Variants in LY75 observed in about 807,000 individuals in gnomAD.
LY75 encodes lymphocyte antigen 75.
Under a neutral mutation model 231.7 loss-of-function variants are expected in LY75, and 185 were observed. The observed-to-expected ratio is 0.80, with a 90% CI of 0.71 to 0.90. LY75 has a LOEUF of 0.90. LY75 is among the 40% of genes least tolerant of loss of function. The pLI, the probability that LY75 is intolerant of heterozygous loss-of-function variation, is 0.00. For synonymous variants in LY75, 668 were observed against 689.0 expected, an observed-to-expected ratio of 0.97 and a Z score of 0.48; for missense variants, 1,947 against 2,050.2, an observed-to-expected ratio of 0.95 and a Z score of 0.97.
chr2:159,807,234 CAATATGAGAGCCACTTGTTAAA>C, intron 33 of LY75, 94 bp from the exon 34 acceptor site: 1 of 1,339,814 alleles, frequency 7.5e-7, no homozygotes, highest in Non-Finnish European at 1.0e-6. Context: ...CTGTGCTGTC[CAATATGAGAGCCACTTGTTAAA>C]ATAAAATGCA....
chr2:159,868,758 TAG>T (rs1328346392), intron 13 of LY75, among the ~76,000 whole-genome samples: 3 of 152,190 alleles, frequency 2.0e-5, no homozygotes, highest in Non-Finnish European at 4.4e-5. Context: ...TCGTTCCAGT[TAG>T]AGTTACTAAC....
intron 25 of LY75, among the ~76,000 whole-genome samples, chr2:159,837,819 T>A (rs780469313): frequency 9.9e-5 from 15 of 152,182 alleles, no homozygotes; most frequent in Non-Finnish European, 1.6e-4. Flanking sequence ...AAACTCCCCA[T>A]GACATTCACT....
intron 2 of LY75, among the ~76,000 whole-genome samples, chr2:159,895,089 GC>G (rs1323799173): frequency 1.3e-5 from 2 of 152,144 alleles, no homozygotes; most frequent in Non-Finnish European, 2.9e-5. Flanking sequence ...TCACAGATTT[GC>G]TTAAAAGTGT....
intron 18 of LY75, 35 bp downstream of exon 18, chr2:159,854,325 A>G: frequency 7.9e-7 from 1 of 1,264,144 alleles, no homozygotes; most frequent in African/African-American, 1.6e-5. Context: ...ATACAAAAAT[A>G]AGAAATATAT....
intron 13 of LY75, 94 bp downstream of exon 13, chr2:159,872,357 T>G: frequency 6.7e-7 from 1 of 1,493,104 alleles, no homozygotes; most frequent in Non-Finnish European, 9.0e-7. Flanking sequence ...TGTCCATTTT[T>G]TTTCCAACAG....
At chr2:159,882,438 C>G in intron 6 of LY75, 123 bp from the exon 7 acceptor site, 1 of 1,331,554 alleles carries the variant, frequency 7.5e-7, no homozygotes. Flanking sequence ...ATGTCAGATG[C>G]TACGGTGACA....
chr2:159,890,190 T>G, intron 4 of LY75, 23 bp downstream of exon 4: 1 of 1,596,510 alleles, frequency 6.3e-7, no homozygotes. Flanking sequence ...CAATTTGCTC[T>G]ATCACATGCA....
chr2:159,895,587 T>C (rs937656451), intron 2 of LY75, among the ~76,000 whole-genome samples: 2 of 152,216 alleles, frequency 1.3e-5, no homozygotes, highest in Non-Finnish European at 2.9e-5. Context: ...ATTATACTTG[T>C]CTGGGAAATC....
At chr2:159,847,318 T>C (rs115623005) in intron 23 of LY75, among the ~76,000 whole-genome samples, 33 of 152,198 alleles carry the variant, frequency 2.2e-4, no homozygotes, top group Non-Finnish European at 4.1e-4. Context: ...CCAGCCTTTT[T>C]TCTCATTTTT....
chr2:159,840,825 C>A lies in LY75; in HGVS notation c.3411G>T (p.Gln1137His). 1 of 1,614,104 alleles carries A rather than the reference C, an allele frequency of 6.2e-7. No individual in the cohort carries two copies. Among genetic ancestry groups the A allele is most frequent in the Non-Finnish European group, 8.5e-7 (1 of 1,179,996 alleles). Residue 1137 changes from glutamine (Q) to histidine (H), a missense_variant, in exon 25 of 35, where the codon CAG becomes CAT. Coordinates refer to ENST00000263636, the MANE Select transcript of LY75 (RefSeq NM_002349.4). ...AKRECLKSNM[Q>H]LVSITDPYQQ... ...GGTAAGGGTCCGTGATGCTCACCAG[C>A]TGCATGTTACTTTTCAGACACTCCC...
chr2:159,898,687 C>G lies in LY75; in HGVS notation c.466+1G>C. 1 of 1,608,820 alleles carries G rather than the reference C, an allele frequency of 6.2e-7. No individual in the cohort carries two copies. Among genetic ancestry groups the G allele is most frequent in the Non-Finnish European group, 8.5e-7 (1 of 1,175,982 alleles). On this transcript the variant is annotated splice_donor_variant, in intron 2 of 34. Coordinates refer to ENST00000263636, the MANE Select transcript of LY75 (RefSeq NM_002349.4). LOFTEE classifies it high-confidence loss of function. ...GGTCAAAGTCCCTCTCTAATACTCA[C>G]CATGATAAGGCTGGTCACAAAGGCT...
At chr2:159,863,751 A>AT (rs763017093) in intron 14 of LY75, among the ~76,000 whole-genome samples, 5 of 152,074 alleles carry the variant, frequency 3.3e-5, no homozygotes, top group Non-Finnish European at 7.4e-5. Context: ...CTGCCTCCAT[A>AT]TGCTTGTGTA....
At chr2:159,851,360 T>C (rs555827311) in intron 21 of LY75, among the ~76,000 whole-genome samples, 2 of 152,284 alleles carry the variant, frequency 1.3e-5, no homozygotes, top group East Asian at 3.9e-4. Flanking sequence ...AAAAATTTTT[T>C]TTTCAGCTTT....
chr2:159,879,507 C>T, intron 8 of LY75, 138 bp from the exon 9 acceptor site: 1 of 1,249,104 alleles, frequency 8.0e-7, no homozygotes, highest in Non-Finnish European at 1.1e-6. Flanking sequence ...GAACACACTC[C>T]TAGAAAATGC....
At chr2:159,872,056 CCTT>C (rs1034737005) in intron 13 of LY75, 1 of 157,870 alleles carries the variant, frequency 6.3e-6, no homozygotes, top group African/African-American at 2.4e-5. Flanking sequence ...GGCTCCTTCT[CCTT>C]CTCCTATCTT....
intron 13 of LY75, among the ~76,000 whole-genome samples, chr2:159,869,795 G>A (rs574978356): frequency 7.5e-4 from 114 of 152,298 alleles, no homozygotes; most frequent in Middle Eastern, 3.4e-3. Flanking sequence ...TGTATAAAAT[G>A]TTTTGTGTCT....
intron 28 of LY75, among the ~76,000 whole-genome samples, chr2:159,829,896 A>G (rs773831834): frequency 2.0e-5 from 3 of 152,244 alleles, no homozygotes; most frequent in Non-Finnish European, 2.9e-5. Context: ...GCTTCTGATA[A>G]TATAACTACA....
chr2:159,850,537 T>C, intron 21 of LY75, 70 bp from the exon 22 acceptor site: 1 of 1,589,608 alleles, frequency 6.3e-7, no homozygotes, highest in Non-Finnish European at 8.6e-7. Context: ...AGTAAAATGC[T>C]TCATCTTTTA....
chr2:159,842,535 G>T, intron 23 of LY75, 161 bp from the exon 24 acceptor site: 1 of 703,376 alleles, frequency 1.4e-6, no homozygotes, highest in Non-Finnish European at 1.7e-6. Flanking sequence ...AACTTTCAAA[G>T]CATGGATAAA....
Sources: gnomAD v4.1 joint callset for allele counts (sites outside exome capture counted in the v4.1 genomes callset) on GRCh38, gnomAD v4.1.1 for gene constraint, MANE v1.5 for transcripts, NCBI Gene and HGNC (gene_info 2026-07-23, HGNC 2026-07-21) for gene names.